The following GRM7 variants were observed in gnomAD, a reference collection of about 807,000 sequenced individuals.
The protein encoded by GRM7 is glutamate metabotropic receptor 7.
GRM7 carries 35 observed loss-of-function variants against 84.5 expected under a neutral mutation model. The ratio of observed to expected loss-of-function variants is 0.41; its 90% CI spans 0.32 to 0.55. GRM7 has a LOEUF of 0.55. Ranked by LOEUF, GRM7 falls within the 20% of genes least tolerant of loss-of-function variation. GRM7 has a pLI of 0.19. For missense variants in GRM7, 1,003 were observed against 1,194.6 expected, an observed-to-expected ratio of 0.84 and a Z score of 2.36; for synonymous variants, 487 against 455.1, an observed-to-expected ratio of 1.07 and a Z score of -0.89.
At chr3:6,911,534 A>G (rs1341042048) in intron 1 of GRM7, among the ~76,000 whole-genome samples, 2 of 152,122 alleles carry the variant, frequency 1.3e-5, no homozygotes, top group African/African-American at 4.8e-5. Flanking sequence ...AAGTTATTAT[A>G]TAATAAAATT....
At chr3:6,985,044 G>A (rs760215289) in intron 1 of GRM7, among the ~76,000 whole-genome samples, 15 of 152,174 alleles carry the variant, frequency 9.9e-5, no homozygotes, top group East Asian at 1.9e-4. Context: ...TGGTGTTTCC[G>A]CCATTTATCA....
intron 9 of GRM7, among the ~76,000 whole-genome samples, chr3:7,702,675 G>A (rs162766): frequency 0.94 from 142,672 of 152,290 alleles, 66,930 homozygotes; most frequent in African/African-American, 0.98. Context: ...ACTTAAACAC[G>A]TAAATAATAA....
In GRM7 at chr3:7,453,318, T is replaced by C. The variant is rs140585763; in HGVS notation, c.1375+511T>C. 8.1e-4 allele frequency among the ~76,000 whole-genome samples: 123 copies of C among 152,152 alleles called. 1 individual carries two copies. The highest frequency in any genetic ancestry group is 2.7e-3 in the African/African-American group (114 of 41,536). ...TTCCTACATGATCTATCTGGCATGCTGTGAAACCCCACAAGTTGGAGGCTT... is the reference window on the plus strand; with the variant it reads ...TTCCTACATGATCTATCTGGCATGCCGTGAAACCCCACAAGTTGGAGGCTT... On this transcript the variant is annotated intron_variant, in intron 6 of 9. Transcript: ENST00000357716.
At chr3:6,893,232 A>C (rs1696039466) in intron 1 of GRM7, among the ~76,000 whole-genome samples, 1 of 152,178 alleles carries the variant, frequency 6.6e-6, no homozygotes, top group Admixed American at 6.6e-5. Context: ...ATATTGTGTG[A>C]GCAGAGCCAC....
At chr3:7,298,094 T>C (rs1272782932) in intron 2 of GRM7, among the ~76,000 whole-genome samples, 1 of 152,198 alleles carries the variant, frequency 6.6e-6, no homozygotes, top group Admixed American at 6.6e-5. Flanking sequence ...GTAACATCTG[T>C]AAAACACTTA....
chr3:7,066,743 T>C (rs984788433), intron 1 of GRM7, among the ~76,000 whole-genome samples: 1 of 151,838 alleles, frequency 6.6e-6, no homozygotes, highest in Non-Finnish European at 1.5e-5. Context: ...CAGACTGATA[T>C]CCTCAGTGAG....
At chr3:6,865,562 T>C (rs978416708) in intron 1 of GRM7, among the ~76,000 whole-genome samples, 14 of 143,656 alleles carry the variant, frequency 9.7e-5, no homozygotes, top group East Asian at 2.1e-4. Flanking sequence ...TTTTTTTTTT[T>C]CCTCCCAAAG....
intron 7 of GRM7, among the ~76,000 whole-genome samples, chr3:7,554,561 TC>T (rs1205990941): frequency 6.6e-6 from 1 of 152,200 alleles, no homozygotes; most frequent in African/African-American, 2.4e-5. Flanking sequence ...GGGTAAGTAA[TC>T]CACCGCTAAA....
intron 1 of GRM7, among the ~76,000 whole-genome samples, chr3:6,973,688 A>G (rs1049412450): frequency 1.3e-5 from 2 of 152,194 alleles, no homozygotes; most frequent in African/African-American, 4.8e-5. Context: ...CATTAGACAG[A>G]GAGGCCAGCA....
At chr3:6,935,518 A>G (rs944456549) in intron 1 of GRM7, among the ~76,000 whole-genome samples, 3 of 151,996 alleles carry the variant, frequency 2.0e-5, no homozygotes, top group South Asian at 2.1e-4. Flanking sequence ...TTGCCCCTCA[A>G]GGTCTAAATT....
Position 6,980,235 on chromosome 3 carries a change from T to G in GRM7, c.519+118328T>G, listed in dbSNP as rs150180359. Among the ~76,000 whole-genome samples, 20 of 152,302 alleles carry G rather than the reference T, an allele frequency of 1.3e-4. No homozygotes were observed. In the East Asian group the frequency reaches 3.7e-3, roughly 28 times the overall value. On this transcript the variant is annotated intron_variant, in intron 1 of 9. Coordinates refer to ENST00000357716, the MANE Select transcript of GRM7 (RefSeq NM_000844.4). ...TACCTGAATAATCAGAGCATAATGT[T>G]AATGATTACACAATACTTACTGATT...
At chr3:7,351,357 A>C (rs1693136062) in intron 4 of GRM7, among the ~76,000 whole-genome samples, 3 of 150,890 alleles carry the variant, frequency 2.0e-5, no homozygotes, top group Non-Finnish European at 2.9e-5. Flanking sequence ...AAAAAAAAAA[A>C]AAAAAACAAC....
chr3:6,876,392 T>G (rs1392954678), intron 1 of GRM7, among the ~76,000 whole-genome samples: 1 of 152,036 alleles, frequency 6.6e-6, no homozygotes, highest in Admixed American at 6.6e-5. Context: ...GCTTGCTGGG[T>G]GTAAGAAACT....
At chr3:7,131,399 T>C (rs1559460536) in intron 1 of GRM7, among the ~76,000 whole-genome samples, 2 of 152,176 alleles carry the variant, frequency 1.3e-5, no homozygotes, top group Non-Finnish European at 2.9e-5. Flanking sequence ...TGGGTCTCAG[T>C]AGCTGTTGAG....
chr3:7,409,709 T>C (rs1005171061), intron 4 of GRM7, among the ~76,000 whole-genome samples: 17 of 152,168 alleles, frequency 1.1e-4, no homozygotes, highest in African/African-American at 4.1e-4. Flanking sequence ...CAAGCAGTTC[T>C]CCTGCCTCAG....
At chr3:7,342,138 C>G (rs1692668898) in intron 4 of GRM7, among the ~76,000 whole-genome samples, 1 of 152,244 alleles carries the variant, frequency 6.6e-6, no homozygotes, top group African/African-American at 2.4e-5. Context: ...GCCTCACTTT[C>G]TTGAGGGACA....
At chr3:6,963,612 T>C (rs1176249451) in intron 1 of GRM7, among the ~76,000 whole-genome samples, 2 of 152,140 alleles carry the variant, frequency 1.3e-5, no homozygotes, top group Non-Finnish European at 2.9e-5. Flanking sequence ...TGCCTCTAAC[T>C]AAATAAAGGA....
intron 4 of GRM7, among the ~76,000 whole-genome samples, chr3:7,396,514 TTTGCC>T: frequency 6.6e-6 from 1 of 152,196 alleles, no homozygotes; most frequent in Non-Finnish European, 1.5e-5. Context: ...AACATTCTGA[TTTGCC>T]CATGTTTTAT....
intron 2 of GRM7, among the ~76,000 whole-genome samples, chr3:7,247,647 TA>T (rs1287315653): frequency 4.4e-5 from 6 of 136,762 alleles, no homozygotes; most frequent in South Asian, 2.3e-4. Flanking sequence ...AAAATAATAG[TA>T]AAAAAAAAAC....
Sources: allele counts gnomAD v4.1 joint callset (sites outside exome capture counted in the v4.1 genomes callset), GRCh38; gene constraint gnomAD v4.1.1; transcripts MANE v1.5; gene names NCBI Gene and HGNC (gene_info 2026-07-23, HGNC 2026-07-21).